KCNMA1: variants seen among roughly 807,000 people sequenced by gnomAD.
The protein encoded by KCNMA1 is Calcium-activated potassium channel subunit alpha-1.
KCNMA1 carries 29 observed loss-of-function variants against 140.0 expected under a neutral mutation model. The ratio of observed to expected loss-of-function variants is 0.21; its 90% CI spans 0.15 to 0.28. KCNMA1 has a LOEUF of 0.28. Among genes scored for constraint, KCNMA1 ranks in the 10% least tolerant of loss-of-function variants. KCNMA1 has a pLI of 1.00. For synonymous variants in KCNMA1, 612 were observed against 611.9 expected, an observed-to-expected ratio of 1.00 and a Z score of 0.00; for missense variants, 880 against 1,602.2, an observed-to-expected ratio of 0.55 and a Z score of 7.70.
intron 3 of KCNMA1, among the ~76,000 whole-genome samples, chr10:77,198,642 T>C (rs747992634): frequency 1.3e-5 from 2 of 150,550 alleles, no homozygotes; most frequent in African/African-American, 2.4e-5. Context: ...TTAAATTCAG[T>C]AGAGATTCAT....
intron 8 of KCNMA1, among the ~76,000 whole-genome samples, chr10:77,109,922 A>T (rs1276570316): frequency 1.3e-5 from 2 of 152,172 alleles, no homozygotes; most frequent in African/African-American, 4.8e-5. Flanking sequence ...TTCTTAAGAC[A>T]ATTAGGTTTG....
chr10:77,520,090 A>ATGCAGTGTGCGGGTG (rs2052497710), intron 1 of KCNMA1, among the ~76,000 whole-genome samples: 1 of 118,064 alleles, frequency 8.5e-6, no homozygotes, highest in Non-Finnish European at 1.7e-5. Context: ...GGTCTGGAGT[A>ATGCAGTGTGCGGGTG]TGCAGTGTGA....
intron 19 of KCNMA1, among the ~76,000 whole-genome samples, chr10:76,997,408 G>C (rs2084748746): frequency 6.6e-6 from 1 of 152,202 alleles, no homozygotes; most frequent in African/African-American, 2.4e-5. Context: ...GCTAAAGCTG[G>C]TTCCAAGTGC....
chr10:77,572,603 T>TATATATATATATATATATAA (rs1491270036), intron 1 of KCNMA1, among the ~76,000 whole-genome samples: 24 of 98,656 alleles, frequency 2.4e-4, no homozygotes, highest in Non-Finnish European at 4.1e-4. Flanking sequence ...TATATATATA[T>TATATATATATATATATATAA]AAATTAGCTG....
chr10:77,357,147 G>A (rs1471478747), intron 2 of KCNMA1, among the ~76,000 whole-genome samples: 5 of 152,212 alleles, frequency 3.3e-5, no homozygotes. Flanking sequence ...TTGATTGCCT[G>A]GAATCAGCTA....
At chr10:77,570,842 G>A (rs118052783) in intron 1 of KCNMA1, among the ~76,000 whole-genome samples, 16,215 of 151,770 alleles carry the variant, frequency 0.11, 1,069 homozygotes, top group Middle Eastern at 0.23. Flanking sequence ...GAGGCAGGAG[G>A]ATCACTCGAG....
intron 2 of KCNMA1, among the ~76,000 whole-genome samples, chr10:77,275,838 G>A (rs2066512044): frequency 6.6e-6 from 1 of 152,198 alleles, no homozygotes; most frequent in Admixed American, 6.5e-5. Context: ...CCCAGCCAAG[G>A]CCCAGCCCAG....
chr10:77,054,277 C>T (rs563346897), intron 14 of KCNMA1, among the ~76,000 whole-genome samples: 2 of 152,188 alleles, frequency 1.3e-5, no homozygotes, highest in African/African-American at 2.4e-5. Flanking sequence ...ATGTCCTTCT[C>T]ATTGCCAAAT....
intron 23 of KCNMA1, among the ~76,000 whole-genome samples, chr10:76,920,035 TA>T (rs2054946603): frequency 1.7e-5 from 2 of 116,580 alleles, no homozygotes; most frequent in Non-Finnish European, 3.5e-5. Flanking sequence ...TATATATATA[TA>T]TATATATATA....
chr10:76,968,270 T>A (rs1372346646), intron 20 of KCNMA1, among the ~76,000 whole-genome samples: 1 of 152,088 alleles, frequency 6.6e-6, no homozygotes, highest in Non-Finnish European at 1.5e-5. Context: ...AGCCTCCACC[T>A]CATACAGAAG....
chr10:76,965,910 G>A (rs2073746392), intron 20 of KCNMA1, among the ~76,000 whole-genome samples: 1 of 152,162 alleles, frequency 6.6e-6, no homozygotes, highest in Non-Finnish European at 1.5e-5. Context: ...ACCAGGCTCA[G>A]CCTCCCAAAC....
intron 3 of KCNMA1, among the ~76,000 whole-genome samples, chr10:77,211,783 C>T (rs1305414468): frequency 6.6e-6 from 1 of 151,990 alleles, no homozygotes; most frequent in Non-Finnish European, 1.5e-5. Context: ...AAAAAATGGA[C>T]AAAAGACATG....
At position 77,103,029 on chromosome 10, in the gene KCNMA1, G is replaced by A. The variant is rs1264329894; in HGVS notation, c.1223+5452C>T. Among the ~76,000 whole-genome samples the A allele has an allele frequency of 2.0e-5, 3 of 152,132 alleles. No individual in the cohort carries two copies. The East Asian group carries it at 5.8e-4, about 29-fold the overall frequency. On this transcript the variant is annotated intron_variant, in intron 9 of 27. Coordinates refer to ENST00000286628, the MANE Select transcript of KCNMA1 (RefSeq NM_001161352.2). ...GAGTGAGTGAATGAACCGATGGAGA[G>A]GGGCCACAGGAATGGACAGTGAGGC...
intron 1 of KCNMA1, among the ~76,000 whole-genome samples, chr10:77,620,987 T>C (rs2091180908): frequency 6.6e-6 from 1 of 152,128 alleles, no homozygotes; most frequent in African/African-American, 2.4e-5. Context: ...CATGACCCCA[T>C]ATCCCCGGGA....
intron 2 of KCNMA1, among the ~76,000 whole-genome samples, chr10:77,368,836 A>G (rs1245067733): frequency 2.0e-5 from 3 of 152,216 alleles, no homozygotes; most frequent in Non-Finnish European, 2.9e-5. Context: ...TATCAAAGCA[A>G]TTGACCATAT....
At chr10:77,138,756 C>A (rs181980474) in intron 5 of KCNMA1, among the ~76,000 whole-genome samples, 19 of 152,190 alleles carry the variant, frequency 1.2e-4, no homozygotes, top group African/African-American at 4.6e-4. Context: ...CATGTCCTCA[C>A]GCCCTGCACA....
intron 1 of KCNMA1, among the ~76,000 whole-genome samples, chr10:77,446,771 G>T (rs1389862826): frequency 1.3e-5 from 2 of 152,232 alleles, no homozygotes; most frequent in African/African-American, 4.8e-5. Flanking sequence ...CACCCTAGAG[G>T]TGGCCCCTGG....
chr10:77,404,766 C>T (rs971782306), intron 1 of KCNMA1, among the ~76,000 whole-genome samples: 21 of 152,090 alleles, frequency 1.4e-4, no homozygotes, highest in African/African-American at 5.1e-4. Context: ...GGACAGATGG[C>T]CTCACATTGG....
chr10:77,618,090 C>T (rs2090176746), intron 1 of KCNMA1, among the ~76,000 whole-genome samples: 1 of 152,152 alleles, frequency 6.6e-6, no homozygotes, highest in African/African-American at 2.4e-5. Context: ...TACTTCTCAT[C>T]CCCTATCATC....
Sources: gnomAD v4.1 joint callset for allele counts (sites outside exome capture counted in the v4.1 genomes callset) on GRCh38, gnomAD v4.1.1 for gene constraint, MANE v1.5 for transcripts, NCBI Gene and HGNC (gene_info 2026-07-23, HGNC 2026-07-21) for gene names.